The following ZNF804B variants were observed in gnomAD, a reference collection of about 807,000 sequenced individuals.
ZNF804B encodes the protein zinc finger 804B.
In ZNF804B, 80 loss-of-function variants were observed where a neutral mutation model predicts 101.4. That is an observed-to-expected ratio of 0.79 (90% confidence interval 0.66 to 0.95). ZNF804B has a LOEUF of 0.95. Among genes scored for constraint, ZNF804B ranks in the 40% least tolerant of loss-of-function variants. ZNF804B has a pLI of 0.00. For synonymous variants in ZNF804B, 622 were observed against 558.8 expected (o/e 1.11, Z -1.59); for missense variants, 1,673 against 1,561.9 (o/e 1.07, Z -1.20).
intron 1 of ZNF804B, among the ~76,000 whole-genome samples, chr7:88,856,550 A>G (rs1791562454): frequency 6.6e-6 from 1 of 152,130 alleles, no homozygotes; most frequent in African/African-American, 2.4e-5. Context: ...TGTCGTCTGC[A>G]AACAGGGACA....
intron 2 of ZNF804B, among the ~76,000 whole-genome samples, chr7:89,295,895 C>A (rs754847760): frequency 1.3e-5 from 2 of 152,034 alleles, no homozygotes; most frequent in Non-Finnish European, 2.9e-5. Context: ...AGTAAAGTAA[C>A]ACATGAGTGG....
intron 1 of ZNF804B, among the ~76,000 whole-genome samples, chr7:88,854,435 C>CTTTCTTTCTTTCTTTCTTTCTT (rs1791508559): frequency 8.1e-6 from 1 of 123,710 alleles, no homozygotes; most frequent in Admixed American, 8.7e-5. Context: ...TTCTTTCTTT[C>CTTTCTTTCTTTCTTTCTTTCTT]TTTCTTTCTT....
At chr7:88,857,822 C>CTTTTTTTTTTTTTTTTTTTTTTTTTT (rs55841922) in intron 1 of ZNF804B, among the ~76,000 whole-genome samples, 1 of 81,472 alleles carries the variant, frequency 1.2e-5, no homozygotes, top group African/African-American at 5.3e-5. Context: ...CCTTTCTTTT[C>CTTTTTTTTTTTTTTTTTTTTTTTTTT]TTTTTTTTTT....
At chr7:88,955,988 A>G (rs1334245906) in intron 1 of ZNF804B, among the ~76,000 whole-genome samples, 2 of 151,632 alleles carry the variant, frequency 1.3e-5, no homozygotes, top group Non-Finnish European at 3.0e-5. Flanking sequence ...TTAAAAGATG[A>G]GCAACATCAT....
chr7:89,194,503 A>G (rs1299551452), intron 1 of ZNF804B, among the ~76,000 whole-genome samples: 4 of 150,162 alleles, frequency 2.7e-5, no homozygotes, highest in African/African-American at 7.4e-5. Context: ...GGTGTAAGGA[A>G]GGGATCCAGT....
chr7:88,834,867 A>G (rs1791186855), intron 1 of ZNF804B, among the ~76,000 whole-genome samples: 1 of 151,824 alleles, frequency 6.6e-6, no homozygotes, highest in Non-Finnish European at 1.5e-5. Context: ...TAATAAAAGT[A>G]TGATGAAATA....
At chr7:88,904,248 G>T (rs972377342) in intron 1 of ZNF804B, among the ~76,000 whole-genome samples, 1 of 152,104 alleles carries the variant, frequency 6.6e-6, no homozygotes, top group African/African-American at 2.4e-5. Flanking sequence ...CCTTGTCAAA[G>T]ATCAGATAGT....
At chr7:89,040,256 C>G (rs1292364020) in intron 1 of ZNF804B, among the ~76,000 whole-genome samples, 1 of 151,162 alleles carries the variant, frequency 6.6e-6, no homozygotes, top group Non-Finnish European at 1.5e-5. Flanking sequence ...TCTTTTTTAT[C>G]CTTTACTCTT....
intron 1 of ZNF804B, among the ~76,000 whole-genome samples, chr7:89,132,709 T>C (rs1790572601): frequency 6.6e-6 from 1 of 152,048 alleles, no homozygotes; most frequent in Non-Finnish European, 1.5e-5. Flanking sequence ...TCCAACAATA[T>C]TGTTATTATT....
chr7:89,287,423 A>C (rs1790219668), intron 2 of ZNF804B, among the ~76,000 whole-genome samples: 1 of 152,202 alleles, frequency 6.6e-6, no homozygotes, highest in African/African-American at 2.4e-5. Context: ...ATTTTCTCAG[A>C]TTTTCTCCCT....
intron 2 of ZNF804B, among the ~76,000 whole-genome samples, chr7:89,248,355 A>G (rs1409627536): frequency 6.6e-6 from 1 of 152,076 alleles, no homozygotes; most frequent in Non-Finnish European, 1.5e-5. Context: ...AAGTAGTTAG[A>G]GAAAAAGGTC....
intron 1 of ZNF804B, among the ~76,000 whole-genome samples, chr7:89,055,591 A>T (rs1052124478): frequency 6.6e-6 from 1 of 152,070 alleles, no homozygotes; most frequent in Non-Finnish European, 1.5e-5. Context: ...CCTGATATCA[A>T]CTTCACCTCT....
At chr7:88,901,369 G>A (rs1192508015) in intron 1 of ZNF804B, among the ~76,000 whole-genome samples, 3 of 151,712 alleles carry the variant, frequency 2.0e-5, no homozygotes, top group Admixed American at 2.0e-4. Context: ...GAATTTTCAA[G>A]GACTTTTAAA....
At chr7:89,210,145 C>CAA (rs35071660) in intron 1 of ZNF804B, among the ~76,000 whole-genome samples, 1,613 of 129,006 alleles carry the variant, frequency 0.013, 32 homozygotes, top group African/African-American at 0.042. Context: ...GACTTCATAT[C>CAA]AAAAAAAAAA....
chr7:89,212,757 GT>G (rs1320672916), intron 1 of ZNF804B, among the ~76,000 whole-genome samples: 2 of 152,026 alleles, frequency 1.3e-5, no homozygotes, highest in Non-Finnish European at 2.9e-5. Context: ...TCCTTTATAG[GT>G]GTAAATTTAT....
chr7:88,777,767 G>T (rs1395705930), intron 1 of ZNF804B, among the ~76,000 whole-genome samples: 1 of 149,394 alleles, frequency 6.7e-6, no homozygotes, highest in Non-Finnish European at 1.5e-5. Flanking sequence ...AGAATAATTT[G>T]AGACCCAGAG....
chr7:88,840,949 A>G (rs941723544), intron 1 of ZNF804B, among the ~76,000 whole-genome samples: 1 of 152,188 alleles, frequency 6.6e-6, no homozygotes, highest in Non-Finnish European at 1.5e-5. Flanking sequence ...ATACTCATTG[A>G]CTGCTAGGGA....
At chr7:88,857,427 G>C (rs560354175) in intron 1 of ZNF804B, among the ~76,000 whole-genome samples, 1 of 151,880 alleles carries the variant, frequency 6.6e-6, no homozygotes, top group East Asian at 1.9e-4. Flanking sequence ...ATGATAAAGG[G>C]GATATCACCA....
chr7:88,908,832 T>C (rs1462589491), intron 1 of ZNF804B, among the ~76,000 whole-genome samples: 1 of 151,814 alleles, frequency 6.6e-6, no homozygotes, highest in African/African-American at 2.4e-5. Flanking sequence ...CTGGCCACTC[T>C]TGCAGTTTGA....
Sources: gnomAD v4.1 joint callset for allele counts (sites outside exome capture counted in the v4.1 genomes callset) on GRCh38, gnomAD v4.1.1 for gene constraint, MANE v1.5 for transcripts, NCBI Gene and HGNC (gene_info 2026-07-23, HGNC 2026-07-21) for gene names.